Variants in MTBP observed in about 807,000 individuals in gnomAD.
MTBP encodes MDM2 binding protein.
MTBP carries 101 observed loss-of-function variants against 117.0 expected under a neutral mutation model. The ratio of observed to expected loss-of-function variants is 0.86; its 90% confidence interval spans 0.73 to 1.02. The LOEUF is 1.02. Ranked by LOEUF, MTBP falls within the 50% of genes least tolerant of loss-of-function variation. The pLI is 0.00. For synonymous variants in MTBP, 350 were observed against 351.5 expected (o/e 1.00, Z 0.05); for missense variants, 970 against 1,030.9 (o/e 0.94, Z 0.81).
At chr8:120,510,537 A>C (rs890407364) in intron 17 of MTBP, among the ~76,000 whole-genome samples, 1 of 152,204 alleles carries the variant, frequency 6.6e-6, no homozygotes, top group East Asian at 1.9e-4. Context: ...ATACTATTCA[A>C]CTATAACAAG....
intron 14 of MTBP, among the ~76,000 whole-genome samples, chr8:120,501,680 A>G (rs936554314): frequency 6.6e-6 from 1 of 152,356 alleles, no homozygotes; most frequent in Non-Finnish European, 1.5e-5. Flanking sequence ...ATTTTCAATG[A>G]GTTTATTAGA....
intron 13 of MTBP, among the ~76,000 whole-genome samples, chr8:120,494,603 A>C (rs951627169): frequency 6.6e-6 from 1 of 152,344 alleles, no homozygotes; most frequent in East Asian, 1.9e-4. Flanking sequence ...ACATCTAACT[A>C]TGGAAGATAA....
At position 120,455,498 on chromosome 8, in the gene MTBP, A is replaced by G. The variant is rs78433859; in HGVS notation, c.548A>G (p.Tyr183Cys). ...SDKDPPKLKD[Y>C]LPTVGALKHL... ...AAAGATCCTCCTAAATTGAAAGACT[A>G]TTTACCTACTGTAGGAGCATTAAAA... Residue 183 changes from tyrosine (Y) to cysteine (C), a missense_variant, in exon 6 of 22, where the codon TAT becomes TGT. By Grantham distance (194) the Tyr-to-Cys change is radical. Transcript: ENST00000305949. 5,724 of 1,606,810 alleles carry G rather than the reference A, an allele frequency of 3.6e-3. 194 individuals carry two copies. The African/African-American group carries it at 0.069, about 19-fold the overall frequency.
intron 19 of MTBP, 149 bp downstream of exon 19, chr8:120,518,249 T>C (rs1814955276): frequency 5.7e-6 from 5 of 883,188 alleles, no homozygotes; most frequent in Non-Finnish European, 8.3e-6. Flanking sequence ...GGAAAGTAGG[T>C]GGGGATATAA....
rs1437219209 is a variant in MTBP at position 120,488,809 on chromosome 8, G to A, written c.1339+477G>A. On this transcript the variant is annotated intron_variant, in intron 12 of 21. Coordinates refer to ENST00000305949, the MANE Select transcript of MTBP (RefSeq NM_022045.5). The stretch of plus-strand genomic sequence containing the variant: ...TGGTCCTGTGGGTTGAATGAGCTCA[G>A]TTGGATGTTTCTATTTTGAGGTCCT... Among the ~76,000 whole-genome samples the A allele has an allele frequency of 2.6e-5, 4 of 152,086 alleles. No homozygotes were observed. In the East Asian group the frequency reaches 7.7e-4, roughly 29 times the overall value.
chr8:120,514,376 C>T (rs1814877837), intron 17 of MTBP, among the ~76,000 whole-genome samples: 1 of 152,022 alleles, frequency 6.6e-6, no homozygotes, highest in East Asian at 1.9e-4. Flanking sequence ...TAACCTTCCC[C>T]ATCCCCATAA....
chr8:120,518,873 T>A, intron 20 of MTBP, 56 bp downstream of exon 20: 1 of 1,230,558 alleles, frequency 8.1e-7, no homozygotes, highest in Non-Finnish European at 1.2e-6. Flanking sequence ...ATGTTCCTGT[T>A]TGACATAAAA....
chr8:120,454,456 T>G, intron 5 of MTBP, among the ~76,000 whole-genome samples: 1 of 152,102 alleles, frequency 6.6e-6, no homozygotes, highest in Non-Finnish European at 1.5e-5. Flanking sequence ...TTTTCTTTTT[T>G]CCTTTGTGTT....
intron 14 of MTBP, among the ~76,000 whole-genome samples, chr8:120,499,709 T>C (rs1261410109): frequency 6.6e-6 from 1 of 152,204 alleles, no homozygotes; most frequent in Non-Finnish European, 1.5e-5. Context: ...TGGTAAAAAC[T>C]CTAGCATGTA....
At chr8:120,452,666 T>C (rs1322141097) in intron 4 of MTBP, 2 of 151,798 alleles carry the variant, frequency 1.3e-5, no homozygotes, top group African/African-American at 4.8e-5. Flanking sequence ...CCTTTTCTAC[T>C]GAAAATAGAA....
At chr8:120,449,002 T>A (rs1049311191) in intron 2 of MTBP, among the ~76,000 whole-genome samples, 1 of 152,118 alleles carries the variant, frequency 6.6e-6, no homozygotes, top group Admixed American at 6.6e-5. Context: ...AAAGCTTTAA[T>A]TAAGGAGGAG....
At chr8:120,487,112 A>T (rs1213298881) in intron 11 of MTBP, among the ~76,000 whole-genome samples, 14 of 152,172 alleles carry the variant, frequency 9.2e-5, no homozygotes. Flanking sequence ...TCTCAAGCCA[A>T]AGACACTTTG....
At chr8:120,481,956 T>C (rs192558253) in intron 11 of MTBP, among the ~76,000 whole-genome samples, 2 of 152,340 alleles carry the variant, frequency 1.3e-5, no homozygotes, top group East Asian at 1.9e-4. Context: ...ACTTTTTTTC[T>C]AAGAATCATT....
chr8:120,461,299 G>A (rs767805856), intron 9 of MTBP, 44 bp downstream of exon 9: 1 of 1,356,748 alleles, frequency 7.4e-7, no homozygotes, highest in African/African-American at 1.4e-5. Context: ...CATTTTCTGT[G>A]TCAGGTAGAA....
chr8:120,501,753 A>C (rs80135439), intron 14 of MTBP, among the ~76,000 whole-genome samples: 2,077 of 152,296 alleles, frequency 0.014, 42 homozygotes, highest in African/African-American at 0.046. Flanking sequence ...CACAGTTAGT[A>C]ATTTTGCCAG....
At chr8:120,498,775 T>G (rs1414636875) in intron 14 of MTBP, among the ~76,000 whole-genome samples, 1 of 151,956 alleles carries the variant, frequency 6.6e-6, no homozygotes, top group Non-Finnish European at 1.5e-5. Flanking sequence ...AAGATAAGAT[T>G]TGCCAGGTAG....
At chr8:120,507,610 T>TG (rs35134079) in intron 16 of MTBP, among the ~76,000 whole-genome samples, 83,383 of 151,886 alleles carry the variant, frequency 0.55, 25,296 homozygotes, top group Non-Finnish European at 0.67. Flanking sequence ...AATTATACTG[T>TG]ATAAATATTG....
At chr8:120,492,726 G>GT (rs1176509695) in intron 13 of MTBP, among the ~76,000 whole-genome samples, 1 of 151,994 alleles carries the variant, frequency 6.6e-6, no homozygotes, top group East Asian at 1.9e-4. Flanking sequence ...GAGGCACTTT[G>GT]TTTTTTAAAA....
At chr8:120,474,498 T>C (rs1434962808) in intron 11 of MTBP, among the ~76,000 whole-genome samples, 2 of 151,978 alleles carry the variant, frequency 1.3e-5, no homozygotes, top group African/African-American at 4.8e-5. Context: ...ACTATCAGAC[T>C]CTCAGATCAT....
Sources: allele counts gnomAD v4.1 joint callset (sites outside exome capture counted in the v4.1 genomes callset), GRCh38; gene constraint gnomAD v4.1.1; transcripts MANE v1.5; gene names NCBI Gene and HGNC (gene_info 2026-07-23, HGNC 2026-07-21).